SPAG16: variants seen among roughly 807,000 people sequenced by gnomAD.
SPAG16 encodes the protein sperm-associated antigen 16 protein.
In SPAG16, 86 loss-of-function variants were observed where a neutral mutation model predicts 80.4. That is an observed-to-expected ratio of 1.07 (90% CI 0.90 to 1.28). The LOEUF is 1.28. Ranked by LOEUF, SPAG16 falls within the 50% of genes most tolerant of loss-of-function variation. The pLI, the probability that SPAG16 is intolerant of heterozygous loss-of-function variation, is 0.00. For synonymous variants in SPAG16, 294 were observed against 265.9 expected (o/e 1.11, Z -1.03); for missense variants, 870 against 765.3 (o/e 1.14, Z -1.61).
intron 10 of SPAG16, among the ~76,000 whole-genome samples, chr2:213,578,094 A>C (rs368461803): frequency 5.9e-5 from 9 of 151,840 alleles, no homozygotes; most frequent in Non-Finnish European, 1.2e-4. Context: ...ATGTTTTAAA[A>C]CATCAAAAAA....
intron 13 of SPAG16, among the ~76,000 whole-genome samples, chr2:214,027,698 A>C (rs1261099971): frequency 2.6e-5 from 4 of 151,906 alleles, no homozygotes; most frequent in African/African-American, 9.7e-5. Context: ...TTTAGTATAT[A>C]AGTTTTAGGA....
In SPAG16 at chr2:213,392,167, GTAT is replaced by G. The variant is rs1441205305; in HGVS notation, c.942+17049_942+17051del. Among the ~76,000 whole-genome samples the G allele has an allele frequency of 6.6e-5, 10 of 152,276 alleles. No individual in the cohort carries two copies. In the South Asian group the frequency reaches 2.1e-3, roughly 32 times the overall value. ...AGGTTTCCTCTACTCTGATACAATGGTATATGCCATTGTGTTGTGTTATGTCAC... is the reference window on the plus strand; with the variant it reads ...AGGTTTCCTCTACTCTGATACAATGGATGCCATTGTGTTGTGTTATGTCAC... On this transcript the variant is annotated intron_variant, in intron 9 of 15. Transcript: ENST00000331683.
intron 15 of SPAG16, among the ~76,000 whole-genome samples, chr2:214,333,112 G>A (rs1451844570): frequency 2.0e-5 from 3 of 152,172 alleles, no homozygotes; most frequent in African/African-American, 7.2e-5. Flanking sequence ...CCCCTTCCAT[G>A]ATGTTGCAAA....
intron 13 of SPAG16, among the ~76,000 whole-genome samples, chr2:214,084,903 T>G (rs1387465715): frequency 6.6e-6 from 1 of 152,210 alleles, no homozygotes; most frequent in Admixed American, 6.6e-5. Flanking sequence ...TATATTATAT[T>G]GAAGAAGAAG....
chr2:214,297,874 T>C lies in SPAG16; in HGVS notation c.1721-112266T>C, dbSNP rs1694247867. 2.6e-5 allele frequency among the ~76,000 whole-genome samples: 4 copies of C among 151,530 alleles called. No individual in the cohort carries two copies. In the South Asian group the frequency reaches 8.3e-4, roughly 32 times the overall value. Reference sequence around the variant, plus strand: ...ATTTTAAGATTGTTTTTTCAAATTCTGTGAAAAATGACATTAGTAATTTGA... The same window carrying C: ...ATTTTAAGATTGTTTTTTCAAATTCCGTGAAAAATGACATTAGTAATTTGA... On this transcript the variant is annotated intron_variant, in intron 15 of 15. Coordinates refer to ENST00000331683, the MANE Select transcript of SPAG16 (RefSeq NM_024532.5).
intron 15 of SPAG16, chr2:214,238,975 C>A (rs1304755935): frequency 6.6e-6 from 1 of 152,086 alleles, no homozygotes; most frequent in African/African-American, 2.4e-5. Context: ...AGTTATAGTT[C>A]TGAAATAGTT....
intron 13 of SPAG16, among the ~76,000 whole-genome samples, chr2:214,026,102 T>G (rs146939356): frequency 5.5e-4 from 84 of 151,642 alleles, no homozygotes; most frequent in African/African-American, 2.0e-3. Flanking sequence ...AAGTAGAATT[T>G]GTTTGTCCAA....
At chr2:214,255,948 A>C (rs999382434) in intron 15 of SPAG16, among the ~76,000 whole-genome samples, 1 of 151,930 alleles carries the variant, frequency 6.6e-6, no homozygotes, top group Non-Finnish European at 1.5e-5. Flanking sequence ...CTCTCATGAA[A>C]GTGTTTTCAT....
intron 10 of SPAG16, among the ~76,000 whole-genome samples, chr2:213,641,572 G>C (rs1312779900): frequency 2.0e-5 from 3 of 152,186 alleles, no homozygotes; most frequent in Admixed American, 6.5e-5. Flanking sequence ...TGAAATTAAA[G>C]TCAGAAATGG....
At chr2:213,649,797 T>A (rs2062958663) in intron 10 of SPAG16, among the ~76,000 whole-genome samples, 1 of 152,026 alleles carries the variant, frequency 6.6e-6, no homozygotes, top group Non-Finnish European at 1.5e-5. Flanking sequence ...CCCAGGCTGG[T>A]CACGAACTCC....
At chr2:213,402,447 T>C (rs1256392245) in intron 9 of SPAG16, among the ~76,000 whole-genome samples, 1 of 152,148 alleles carries the variant, frequency 6.6e-6, no homozygotes, top group African/African-American at 2.4e-5. Flanking sequence ...TTATTATACT[T>C]TAAGTTTTAG....
intron 1 of SPAG16, among the ~76,000 whole-genome samples, chr2:213,285,188 T>C (rs1386820319): frequency 2.0e-5 from 3 of 152,308 alleles, no homozygotes; most frequent in Non-Finnish European, 4.4e-5. Flanking sequence ...TAAATACTAA[T>C]AGTATAGTTG....
In SPAG16 at chr2:213,317,344, A is replaced by G. The variant is rs751551308; in HGVS notation, c.524A>G (p.Lys175Arg). The change falls in exon 5 of 16, where the codon AAA (lysine) becomes AGA (arginine). Residue 175 changes from lysine (K) to arginine (R), a missense_variant. By Grantham distance (26) the Lys-to-Arg change is conservative (BLOSUM62 2). Coordinates refer to ENST00000331683, the MANE Select transcript of SPAG16 (RefSeq NM_024532.5). Reference sequence around the variant, plus strand: ...TTAAAGAAAGATTTGAAGCACTACAAACAAGCAGCTGAGTATGTTATTTTT... The same window carrying G: ...TTAAAGAAAGATTTGAAGCACTACAGACAAGCAGCTGAGTATGTTATTTTT... ...KNLKKDLKHYKQAADKAREDL... is the reference protein window; with the variant it reads ...KNLKKDLKHYRQAADKAREDL... The G allele has an allele frequency of 1.9e-6, 3 of 1,608,626 alleles. No individual in the cohort carries two copies. Among genetic ancestry groups the G allele is most frequent in the South Asian group, 2.2e-5 (2 of 90,538 alleles).
intron 10 of SPAG16, among the ~76,000 whole-genome samples, chr2:213,823,236 T>C (rs2073063420): frequency 6.6e-6 from 1 of 152,248 alleles, no homozygotes; most frequent in Non-Finnish European, 1.5e-5. Flanking sequence ...CCAACATCTA[T>C]TGTTTCCAGA....
intron 13 of SPAG16, among the ~76,000 whole-genome samples, chr2:214,042,561 T>C (rs1049980880): frequency 2.6e-5 from 4 of 152,192 alleles, no homozygotes; most frequent in Non-Finnish European, 5.9e-5. Flanking sequence ...TATCTCATCA[T>C]AGGAAAAATA....
At chr2:214,090,264 A>G (rs1240770368) in intron 13 of SPAG16, among the ~76,000 whole-genome samples, 2 of 151,998 alleles carry the variant, frequency 1.3e-5, no homozygotes, top group African/African-American at 2.4e-5. Flanking sequence ...AACAAGTATA[A>G]GAAAGACTTT....
At chr2:214,206,084 T>C (rs1406806133) in intron 15 of SPAG16, among the ~76,000 whole-genome samples, 3 of 152,096 alleles carry the variant, frequency 2.0e-5, no homozygotes, top group African/African-American at 7.2e-5. Context: ...TAGTCCCACA[T>C]AATCAGGAGG....
rs79712479 is a variant in SPAG16 at position 214,183,454 on chromosome 2, G to A, written c.1720+34188G>A. Among the ~76,000 whole-genome samples the A allele has an allele frequency of 4.3e-3, 660 of 151,986 alleles. 2 individuals carry two copies. The highest frequency in any genetic ancestry group is 0.015 in the African/African-American group (632 of 41,496). On this transcript the variant is annotated intron_variant, in intron 15 of 15. Transcript: ENST00000331683. ...GGGTGTACACCTCTGCAAGTCTCTCGGCCCTTTTACTCTCAGCTAAAATGT... is the reference window on the plus strand; with the variant it reads ...GGGTGTACACCTCTGCAAGTCTCTCAGCCCTTTTACTCTCAGCTAAAATGT...
At chr2:213,963,472 C>A (rs562106838) in intron 12 of SPAG16, among the ~76,000 whole-genome samples, 1 of 152,212 alleles carries the variant, frequency 6.6e-6, no homozygotes, top group Admixed American at 6.5e-5. Flanking sequence ...TACGATTTAT[C>A]TTGGAAAATG....
Sources: gnomAD v4.1 joint callset for allele counts (sites outside exome capture counted in the v4.1 genomes callset) on GRCh38, gnomAD v4.1.1 for gene constraint, MANE v1.5 for transcripts, NCBI Gene and HGNC (gene_info 2026-07-23, HGNC 2026-07-21) for gene names.